The following STXBP5L variants were observed in gnomAD, a reference collection of about 807,000 sequenced individuals.
STXBP5L encodes syntaxin binding protein 5L, also known as syntaxin-binding protein 5-like.
A neutral mutation model predicts 144.5 loss-of-function variants in STXBP5L; 65 were observed. That is an observed-to-expected ratio of 0.45 (90% confidence interval 0.37 to 0.55). STXBP5L has a LOEUF of 0.55. Among genes scored for constraint, STXBP5L ranks in the 20% least tolerant of loss-of-function variants. STXBP5L has a pLI of 0.00. For missense variants in STXBP5L, 1,298 were observed against 1,405.5 expected (o/e 0.92, Z 1.22); for synonymous variants, 505 against 469.6 (o/e 1.08, Z -0.97).
At chr3:121,309,158 A>G (rs1009156783) in intron 19 of STXBP5L, among the ~76,000 whole-genome samples, 34 of 152,144 alleles carry the variant, frequency 2.2e-4, no homozygotes, top group African/African-American at 8.0e-4. Flanking sequence ...AACTATATCA[A>G]TAATATTAAA....
At chr3:121,100,194 G>A (rs2043343661) in intron 5 of STXBP5L, among the ~76,000 whole-genome samples, 1 of 152,110 alleles carries the variant, frequency 6.6e-6, no homozygotes, top group Non-Finnish European at 1.5e-5. Flanking sequence ...GATGCTTGAG[G>A]CAGAAAACTT....
chr3:120,970,604 T>C (rs1231401742), intron 3 of STXBP5L, among the ~76,000 whole-genome samples: 1 of 152,152 alleles, frequency 6.6e-6, no homozygotes, highest in Non-Finnish European at 1.5e-5. Flanking sequence ...GAGTATCCTG[T>C]CTTTTCATTT....
chr3:121,294,140 A>C (rs2051555764), intron 19 of STXBP5L, among the ~76,000 whole-genome samples: 1 of 152,252 alleles, frequency 6.6e-6, no homozygotes, highest in Non-Finnish European at 1.5e-5. Context: ...GGAGCCAAAA[A>C]GGAAAGCAAG....
intron 3 of STXBP5L, among the ~76,000 whole-genome samples, chr3:120,984,891 C>G (rs1006491175): frequency 1.3e-5 from 2 of 151,818 alleles, no homozygotes; most frequent in South Asian, 4.2e-4. Flanking sequence ...TGAATTTTGT[C>G]AAATGCTTTT....
At chr3:121,058,726 GTGA>G (rs1186024048) in intron 5 of STXBP5L, among the ~76,000 whole-genome samples, 9 of 152,216 alleles carry the variant, frequency 5.9e-5, no homozygotes, top group Non-Finnish European at 1.5e-5. Context: ...CTAATGACCA[GTGA>G]TGATGAGCTG....
At chr3:121,010,826 G>T (rs187457495) in intron 3 of STXBP5L, among the ~76,000 whole-genome samples, 1 of 151,690 alleles carries the variant, frequency 6.6e-6, no homozygotes, top group Non-Finnish European at 1.5e-5. Context: ...TGTCATAAGG[G>T]TCTTCATCCT....
In STXBP5L at chr3:120,954,957, TC is replaced by T; in HGVS notation, c.209del (p.Pro70LeufsTer7). On this transcript the variant is annotated frameshift_variant, in exon 3 of 27. Transcript: ENST00000471454. LOFTEE classifies it high-confidence loss of function. ...QICKTVRHGF[P>X]HQPTALAFDP... is the part of the protein sequence containing the mutation. The stretch of plus-strand genomic sequence containing the variant: ...TCTTTCAGACAGTTCGGCATGGTTT[TC>T]CTCATCAGCCCACAGCATTAGCCTT... 6.2e-7 allele frequency: 1 copy of T among 1,612,346 alleles called. No homozygotes were observed. Among genetic ancestry groups the T allele is most frequent in the Non-Finnish European group, 8.5e-7 (1 of 1,178,992 alleles).
intron 3 of STXBP5L, among the ~76,000 whole-genome samples, chr3:120,971,079 T>C (rs987909218): frequency 8.5e-5 from 13 of 152,138 alleles, no homozygotes; most frequent in Non-Finnish European, 1.3e-4. Flanking sequence ...TAGGACTTAA[T>C]TCTGACATTT....
At chr3:121,148,904 TA>T (rs1296430345) in intron 7 of STXBP5L, among the ~76,000 whole-genome samples, 7 of 152,094 alleles carry the variant, frequency 4.6e-5, no homozygotes, top group Admixed American at 6.6e-5. Flanking sequence ...GCTATTTTAA[TA>T]ATGAAATTAA....
At chr3:121,052,907 G>A (rs1416097814) in intron 5 of STXBP5L, among the ~76,000 whole-genome samples, 8 of 152,212 alleles carry the variant, frequency 5.3e-5, no homozygotes, top group South Asian at 2.1e-4. Context: ...GTCTCAGGAT[G>A]CAAAATCAAT....
chr3:120,983,678 A>C (rs993969895), intron 3 of STXBP5L, among the ~76,000 whole-genome samples: 2 of 152,104 alleles, frequency 1.3e-5, no homozygotes, highest in Non-Finnish European at 2.9e-5. Context: ...GAAAAAATCT[A>C]TTATAGGAGT....
intron 9 of STXBP5L, among the ~76,000 whole-genome samples, chr3:121,164,125 C>A (rs2046417726): frequency 6.6e-6 from 1 of 152,156 alleles, no homozygotes; most frequent in Admixed American, 6.6e-5. Context: ...CCCACTCCTT[C>A]ATCCCTAGGA....
intron 5 of STXBP5L, among the ~76,000 whole-genome samples, chr3:121,070,174 C>A (rs892522213): frequency 6.6e-6 from 1 of 152,214 alleles, no homozygotes; most frequent in Non-Finnish European, 1.5e-5. Context: ...AGGGCTTTTC[C>A]TACTTTTAAA....
chr3:121,254,358 T>G (rs1240823013), intron 15 of STXBP5L, among the ~76,000 whole-genome samples: 2 of 152,184 alleles, frequency 1.3e-5, no homozygotes, highest in Non-Finnish European at 2.9e-5. Context: ...AGATCCCTTC[T>G]CAAATAGTTA....
intron 3 of STXBP5L, among the ~76,000 whole-genome samples, chr3:120,985,332 C>A (rs1208502119): frequency 6.6e-6 from 1 of 151,948 alleles, no homozygotes; most frequent in African/African-American, 2.4e-5. Context: ...TTATGGGTTA[C>A]AATATGATAT....
At chr3:121,184,670 A>G (rs970664330) in intron 9 of STXBP5L, among the ~76,000 whole-genome samples, 3 of 152,180 alleles carry the variant, frequency 2.0e-5, no homozygotes, top group Non-Finnish European at 4.4e-5. Flanking sequence ...AACTTCCCCA[A>G]CCTAGCAAGA....
At chr3:121,326,865 T>C (rs1236023359) in intron 20 of STXBP5L, among the ~76,000 whole-genome samples, 2 of 152,134 alleles carry the variant, frequency 1.3e-5, no homozygotes, top group Admixed American at 6.6e-5. Flanking sequence ...CGTTGTAGCT[T>C]AGCCATAACA....
intron 3 of STXBP5L, among the ~76,000 whole-genome samples, chr3:121,022,248 A>G (rs986363316): frequency 1.3e-5 from 2 of 152,116 alleles, no homozygotes; most frequent in Admixed American, 6.6e-5. Flanking sequence ...CAGACTCTAA[A>G]TAGTAACAAG....
chr3:121,092,701 A>C (rs1039142503), intron 5 of STXBP5L, among the ~76,000 whole-genome samples: 2 of 152,330 alleles, frequency 1.3e-5, no homozygotes, highest in African/African-American at 4.8e-5. Context: ...TAGATACACA[A>C]TCATGTCATC....
Sources: allele counts gnomAD v4.1 joint callset (sites outside exome capture counted in the v4.1 genomes callset), GRCh38; gene constraint gnomAD v4.1.1; transcripts MANE v1.5; gene names NCBI Gene and HGNC (gene_info 2026-07-23, HGNC 2026-07-21).